The following ATP10B variants were observed in gnomAD, a reference collection of about 807,000 sequenced individuals.
ATP10B encodes the protein phospholipid-transporting ATPase VB.
A neutral mutation model predicts 141.2 loss-of-function variants in ATP10B; 122 were observed. The observed-to-expected ratio is 0.86, with a 90% confidence interval of 0.75 to 1.00. The LOEUF is 1.00. Among genes scored for constraint, ATP10B ranks in the 50% least tolerant of loss-of-function variants. The probability of loss-of-function intolerance (pLI) is 0.00; values close to 1 mark genes in which losing one functional copy is unlikely to be tolerated. For synonymous variants in ATP10B, 685 were observed against 692.0 expected (o/e 0.99, Z 0.16); for missense variants, 1,876 against 1,825.3 (o/e 1.03, Z -0.51).
intron 1 of ATP10B, among the ~76,000 whole-genome samples, chr5:160,838,220 C>T (rs763135236): frequency 6.6e-6 from 1 of 152,176 alleles, no homozygotes; most frequent in Non-Finnish European, 1.5e-5. Flanking sequence ...ACATCATACA[C>T]ATTTTACTCA....
chr5:160,908,302 G>A, the ATP10B span, among the ~76,000 whole-genome samples: 1 of 152,012 alleles, frequency 6.6e-6, no homozygotes, highest in Non-Finnish European at 1.5e-5. Context: ...TTGGATTCAG[G>A]CCTATGGAGA....
At chr5:160,778,361 C>T (rs1013870059) in intron 2 of ATP10B, among the ~76,000 whole-genome samples, 1 of 152,168 alleles carries the variant, frequency 6.6e-6, no homozygotes, top group Non-Finnish European at 1.5e-5. Flanking sequence ...CTCCAGTCCT[C>T]CAATACCCTT....
chr5:160,726,729 C>T (rs887528517), intron 2 of ATP10B, among the ~76,000 whole-genome samples: 3 of 148,766 alleles, frequency 2.0e-5, no homozygotes, highest in African/African-American at 7.8e-5. Flanking sequence ...AGTGTGAGCT[C>T]TCATTTATTG....
At chr5:160,759,810 A>G (rs1768896341) in intron 2 of ATP10B, among the ~76,000 whole-genome samples, 2 of 152,194 alleles carry the variant, frequency 1.3e-5, no homozygotes, top group Admixed American at 1.3e-4. Context: ...TCCTCCAGAG[A>G]GAAAAATCTG....
the ATP10B span, among the ~76,000 whole-genome samples, chr5:160,910,585 G>C: frequency 5.5e-4 from 83 of 152,238 alleles, no homozygotes; most frequent in African/African-American, 1.6e-3. Flanking sequence ...TCTCATTCAG[G>C]CTTCACTATC....
At chr5:160,717,852 G>A (rs1387820082) in intron 2 of ATP10B, among the ~76,000 whole-genome samples, 1 of 152,130 alleles carries the variant, frequency 6.6e-6, no homozygotes, top group Non-Finnish European at 1.5e-5. Flanking sequence ...CACACACCCT[G>A]CTCCATCTCC....
the ATP10B span, among the ~76,000 whole-genome samples, chr5:160,885,050 T>C: frequency 6.6e-6 from 1 of 152,210 alleles, no homozygotes; most frequent in Non-Finnish European, 1.5e-5. Flanking sequence ...CTTTCTGTTT[T>C]TATCCCTGGC....
chr5:160,774,595 C>T (rs1033627791), intron 2 of ATP10B, among the ~76,000 whole-genome samples: 2 of 152,136 alleles, frequency 1.3e-5, no homozygotes, highest in African/African-American at 4.8e-5. Context: ...TGGGACCATT[C>T]TTTATATTTT....
rs1185880404 is a variant in ATP10B at position 160,755,833 on chromosome 5, AAAAAAATATATATATATATATAT to A, written c.-331+29703_-331+29725del. ...CCGTCTCAAAAAAAAAAAAAAAAAA[AAAAAAATATATATATATATATAT>A]ATATATATATATATATATATATTAT... On this transcript the variant is annotated intron_variant, in intron 2 of 25. Transcript: ENST00000327245. Among the ~76,000 whole-genome samples the A allele has an allele frequency of 1.9e-3, 135 of 71,308 alleles. 2 individuals are homozygous for A. Among genetic ancestry groups the A allele is most frequent in the African/African-American group, 0.011 (130 of 11,946 alleles). The allele number at this position is 71,308 out of a possible 152,430, so 46.8% of individuals were successfully genotyped here.
In ATP10B at chr5:160,724,618, CTCTT is replaced by C. The variant is rs575516791; in HGVS notation, c.-330-7588_-330-7585del. 2.5e-4 allele frequency among the ~76,000 whole-genome samples: 38 copies of C among 152,296 alleles called. No individual in the cohort carries two copies. In the South Asian group the frequency reaches 7.3e-3, roughly 29 times the overall value. On this transcript the variant is annotated intron_variant, in intron 2 of 25. Transcript: ENST00000327245. ...CTGGCCCCTCCTCTCTTCTCTGATC[CTCTT>C]TCTAAGTTCCCCTTCTCTCTTGTTC...
intron 22 of ATP10B, among the ~76,000 whole-genome samples, chr5:160,598,086 C>T (rs1292291135): frequency 2.1e-5 from 3 of 145,320 alleles, no homozygotes; most frequent in Non-Finnish European, 4.5e-5. Context: ...GACACATGCA[C>T]ACATATGTTG....
intron 17 of ATP10B, among the ~76,000 whole-genome samples, chr5:160,615,017 C>A (rs983289746): frequency 6.6e-6 from 1 of 152,228 alleles, no homozygotes; most frequent in African/African-American, 2.4e-5. Context: ...CCAACAGAAG[C>A]ACAGCCTGTC....
rs192185505 is a variant in ATP10B, at chr5:160,821,097, C to G, written c.-576+30844G>C. On this transcript the variant is annotated intron_variant, in intron 1 of 25. Coordinates refer to ENST00000327245, the MANE Select transcript of ATP10B (RefSeq NM_025153.3). Reference sequence around the variant, plus strand: ...TATCTTTGTTTGCAGATTATGTTATCTTATATTTGGAAATACCTAAAGACT... The same window carrying G: ...TATCTTTGTTTGCAGATTATGTTATGTTATATTTGGAAATACCTAAAGACT... Among the ~76,000 whole-genome samples, 5 of 152,174 alleles carry G rather than the reference C, an allele frequency of 3.3e-5. No individual in the cohort carries two copies. In the East Asian group the frequency reaches 7.7e-4, roughly 24 times the overall value.
chr5:160,675,878 AG>A (rs201534360), intron 6 of ATP10B, among the ~76,000 whole-genome samples: 17 of 41,244 alleles, frequency 4.1e-4, no homozygotes, highest in Non-Finnish European at 5.5e-4. Flanking sequence ...GGGGTGGGGG[AG>A]GGGGGGCGAC....
intron 21 of ATP10B, 138 bp from the exon 22 acceptor site, chr5:160,599,108 A>C (rs1756931328): frequency 1.5e-6 from 1 of 684,500 alleles, no homozygotes; most frequent in South Asian, 1.8e-5. Flanking sequence ...GATGAGAGAG[A>C]ATTCTAATCC....
chr5:160,671,220 T>C (rs927570727), intron 6 of ATP10B, among the ~76,000 whole-genome samples: 2 of 149,088 alleles, frequency 1.3e-5, no homozygotes, highest in African/African-American at 2.5e-5. Context: ...TCTGTTCTTA[T>C]GAACATTTAG....
chr5:160,677,140 C>T (rs749463947), intron 6 of ATP10B, among the ~76,000 whole-genome samples: 3 of 152,172 alleles, frequency 2.0e-5, no homozygotes, highest in Non-Finnish European at 1.5e-5. Flanking sequence ...ACAAATCATG[C>T]CTGATGACAA....
intron 1 of ATP10B, among the ~76,000 whole-genome samples, chr5:160,831,289 G>T (rs532758666): frequency 3.1e-4 from 47 of 152,098 alleles, no homozygotes; most frequent in African/African-American, 1.1e-3. Flanking sequence ...ACCTAGCATA[G>T]AATTTTCCTT....
At chr5:160,679,913 T>G (rs1217470497) in intron 6 of ATP10B, among the ~76,000 whole-genome samples, 1 of 152,180 alleles carries the variant, frequency 6.6e-6, no homozygotes, top group African/African-American at 2.4e-5. Context: ...GGTTTCTAGA[T>G]TCATTAAACT....
Sources: allele counts gnomAD v4.1 joint callset (sites outside exome capture counted in the v4.1 genomes callset), GRCh38; gene constraint gnomAD v4.1.1; transcripts MANE v1.5; gene names NCBI Gene and HGNC (gene_info 2026-07-23, HGNC 2026-07-21).